Variants in PTP4A1 observed in about 807,000 individuals in gnomAD.
The protein encoded by PTP4A1 is protein tyrosine phosphatase 4A1, also known as protein tyrosine phosphatase type IVA 1.
PTP4A1 carries 9 observed loss-of-function variants against 20.5 expected under a neutral mutation model. The observed-to-expected ratio is 0.44, with a 90% CI of 0.26 to 0.77. The LOEUF is 0.77. PTP4A1 is among the 30% of genes least tolerant of loss of function. The pLI is 0.19. For missense variants in PTP4A1, 137 were observed against 218.8 expected (o/e 0.63, Z 2.36); for synonymous variants, 78 against 67.4 (o/e 1.16, Z -0.77).
Position 63,576,637 on chromosome 6 carries a change from G to A in PTP4A1, c.-244G>A. The A allele has an allele frequency of 1.9e-6, 1 of 527,808 alleles. No individual in the cohort carries two copies. Among genetic ancestry groups the A allele is most frequent in the Non-Finnish European group, 3.3e-6 (1 of 301,858 alleles). The allele number at this position is 527,808 out of a possible 1,614,324, so 32.7% of individuals were successfully genotyped here. A position where few individuals can be genotyped will look rare whatever the true frequency, so the allele number is the denominator to read the frequency against. On this transcript the variant is annotated 5_prime_UTR_variant, in exon 2 of 6. Transcript: ENST00000626021. ...CCACAGAGCATTTTACAAGAGTTCTGACCTGGATGGGGTAAACCTCAGTGC... is the reference window on the plus strand; with the variant it reads ...CCACAGAGCATTTTACAAGAGTTCTAACCTGGATGGGGTAAACCTCAGTGC...
chr6:63,519,099 G>C (rs1180555167), upstream of PTP4A1, among the ~76,000 whole-genome samples: 1 of 152,186 alleles, frequency 6.6e-6, no homozygotes, highest in African/African-American at 2.4e-5. Flanking sequence ...CAGATCGCCT[G>C]AAGTTCAAGA....
At chr6:63,530,432 T>C (rs1775402412) in intron 2 of PTP4A1, among the ~76,000 whole-genome samples, 1 of 152,168 alleles carries the variant, frequency 6.6e-6, no homozygotes, top group South Asian at 2.1e-4. Flanking sequence ...GTTGGGATGG[T>C]ACCATAAGAT....
At chr6:63,529,189 G>T in intron 2 of PTP4A1, among the ~76,000 whole-genome samples, 1 of 146,942 alleles carries the variant, frequency 6.8e-6, no homozygotes, top group Non-Finnish European at 1.5e-5. Flanking sequence ...ATATATATGT[G>T]TGTATATATA....
At chr6:63,525,930 T>C (rs1775145518) in intron 1 of PTP4A1, among the ~76,000 whole-genome samples, 1 of 152,224 alleles carries the variant, frequency 6.6e-6, no homozygotes, top group South Asian at 2.1e-4. Context: ...AACGTATCTC[T>C]AAGACAGTCT....
In PTP4A1 at chr6:63,581,694, G is replaced by A. The variant is rs1778242821; in HGVS notation, c.*1520G>A. The A allele has an allele frequency of 6.6e-6, 1 of 152,064 alleles. No individual in the cohort carries two copies. The highest frequency in any genetic ancestry group is 1.5e-5 in the Non-Finnish European group (1 of 67,974). The allele number at this position is 152,064 out of a possible 1,614,324, so 9.4% of individuals were successfully genotyped here. Reference sequence around the variant, plus strand: ...TAATTTTGAACCAATTTATTATTGTGTACTGAGGAGAAATAATGTATAGTA... The same window carrying A: ...TAATTTTGAACCAATTTATTATTGTATACTGAGGAGAAATAATGTATAGTA... On this transcript the variant is annotated 3_prime_UTR_variant, in exon 6 of 6. Coordinates refer to ENST00000626021, the MANE Select transcript of PTP4A1 (RefSeq NM_003463.5).
At chr6:63,547,425 A>G (rs1369788349) in intron 2 of PTP4A1, among the ~76,000 whole-genome samples, 1 of 150,902 alleles carries the variant, frequency 6.6e-6, no homozygotes, top group Non-Finnish European at 1.5e-5. Flanking sequence ...CCTGACCTCA[A>G]GTGATTAATC....
At chr6:63,551,841 C>T (rs1050176131) in intron 3 of PTP4A1, among the ~76,000 whole-genome samples, 1 of 152,130 alleles carries the variant, frequency 6.6e-6, no homozygotes, top group Non-Finnish European at 1.5e-5. Context: ...TGGTTTCCAG[C>T]TTCATCCACG....
At chr6:63,542,450 C>T (rs1433662488) in intron 2 of PTP4A1, among the ~76,000 whole-genome samples, 2 of 152,048 alleles carry the variant, frequency 1.3e-5, no homozygotes, top group Non-Finnish European at 2.9e-5. Flanking sequence ...CTCCTTTGAA[C>T]TCAAAAACTA....
intron 3 of PTP4A1, among the ~76,000 whole-genome samples, chr6:63,562,011 A>G (rs1244277423): frequency 6.6e-6 from 1 of 152,206 alleles, no homozygotes; most frequent in Non-Finnish European, 1.5e-5. Context: ...GAAAAAAAAT[A>G]CAAAATATAG....
chr6:63,542,714 C>T (rs1028138384), intron 2 of PTP4A1, among the ~76,000 whole-genome samples: 5 of 152,134 alleles, frequency 3.3e-5, no homozygotes, highest in South Asian at 4.1e-4. Flanking sequence ...TCACCGACTG[C>T]TTTTTTGAAA....
intron 1 of PTP4A1, among the ~76,000 whole-genome samples, chr6:63,525,508 T>G (rs1345046373): frequency 1.3e-5 from 2 of 152,200 alleles, no homozygotes; most frequent in African/African-American, 4.8e-5. Context: ...TTCCACTATT[T>G]CCCCATCTCC....
intron 2 of PTP4A1, among the ~76,000 whole-genome samples, chr6:63,539,715 G>C (rs1200415735): frequency 6.6e-6 from 1 of 151,854 alleles, no homozygotes; most frequent in Non-Finnish European, 1.5e-5. Context: ...GTTGCAGTGA[G>C]CTGAGATCGT....
upstream of PTP4A1, among the ~76,000 whole-genome samples, chr6:63,569,423 A>T (rs1415143389): frequency 6.6e-6 from 1 of 151,928 alleles, no homozygotes; most frequent in African/African-American, 2.4e-5. Flanking sequence ...TGCCCAGCTA[A>T]TTTTTTGTAT....
intron 3 of PTP4A1, among the ~76,000 whole-genome samples, chr6:63,560,380 A>G (rs1299744356): frequency 2.0e-5 from 3 of 151,064 alleles, no homozygotes; most frequent in Non-Finnish European, 4.4e-5. Context: ...AGAAGTGAAA[A>G]GTAAAAAACA....
At chr6:63,529,741 T>A (rs1775371936) in intron 2 of PTP4A1, among the ~76,000 whole-genome samples, 1 of 152,142 alleles carries the variant, frequency 6.6e-6, no homozygotes, top group Non-Finnish European at 1.5e-5. Context: ...CAGTTCATCA[T>A]CCTATCAGCC....
chr6:63,573,703 G>C (rs1223886566), intron 1 of PTP4A1: 5 of 152,248 alleles, frequency 3.3e-5, no homozygotes, highest in Admixed American at 3.3e-4. Context: ...CCTCGGGCTC[G>C]TGATAATGGG....
chr6:63,562,021 G>A (rs1451349187), intron 3 of PTP4A1, among the ~76,000 whole-genome samples: 1 of 151,938 alleles, frequency 6.6e-6, no homozygotes, highest in African/African-American at 2.4e-5. Flanking sequence ...ACAAAATATA[G>A]GAAGTTATAA....
chr6:63,536,157 C>G (rs1258431015), intron 2 of PTP4A1, among the ~76,000 whole-genome samples: 1 of 152,092 alleles, frequency 6.6e-6, no homozygotes, highest in African/African-American at 2.4e-5. Context: ...CAAGATGAAA[C>G]CACGTCTCTA....
intron 2 of PTP4A1, among the ~76,000 whole-genome samples, chr6:63,543,579 ATG>A (rs1469831011): frequency 6.6e-6 from 1 of 152,244 alleles, no homozygotes; most frequent in African/African-American, 2.4e-5. Context: ...CAGAGTGTTG[ATG>A]ATTGAATGTG....
Sources: allele counts gnomAD v4.1 joint callset (sites outside exome capture counted in the v4.1 genomes callset), GRCh38; gene constraint gnomAD v4.1.1; transcripts MANE v1.5; gene names NCBI Gene and HGNC (gene_info 2026-07-23, HGNC 2026-07-21).